The following PPARA variants were observed in gnomAD, a reference collection of about 807,000 sequenced individuals.
PPARA encodes peroxisome proliferator activated receptor alpha.
A neutral mutation model predicts 42.2 loss-of-function variants in PPARA; 22 were observed. The ratio of observed to expected loss-of-function variants is 0.52; its 90% CI spans 0.37 to 0.74. The LOEUF (loss-of-function observed/expected upper bound fraction) is 0.74. Among genes scored for constraint, PPARA ranks in the 30% least tolerant of loss-of-function variants. PPARA has a pLI of 0.00. For missense variants in PPARA, 465 were observed against 608.2 expected, an observed-to-expected ratio of 0.76 and a Z score of 2.48; for synonymous variants, 242 against 239.3, an observed-to-expected ratio of 1.01 and a Z score of -0.10.
intron 2 of PPARA, chr22:46,164,157 G>A (rs1926668417): frequency 6.6e-6 from 1 of 151,820 alleles, no homozygotes; most frequent in Non-Finnish European, 1.5e-5. Flanking sequence ...AGGCTGCAGT[G>A]AGCCGAGATC....
At chr22:46,194,035 C>T (rs1199324228) in intron 3 of PPARA, among the ~76,000 whole-genome samples, 4 of 152,186 alleles carry the variant, frequency 2.6e-5, no homozygotes, top group Admixed American at 6.5e-5. Flanking sequence ...TGATCAGAAG[C>T]GCCAGTGATG....
chr22:46,223,669 C>T (rs376478802), intron 7 of PPARA, among the ~76,000 whole-genome samples: 2 of 126,772 alleles, frequency 1.6e-5, no homozygotes, highest in African/African-American at 3.1e-5. Context: ...GAGGGCCAGG[C>T]GTGGTTGCTC....
In PPARA at chr22:46,192,019, C is replaced by T. The variant is rs913682586; in HGVS notation, c.-42-6323C>T. Among the ~76,000 whole-genome samples the T allele has an allele frequency of 2.0e-5, 3 of 152,176 alleles. No homozygotes were observed. The highest frequency in any genetic ancestry group is 4.4e-5 in the Non-Finnish European group (3 of 68,030). On this transcript the variant is annotated intron_variant, in intron 3 of 8. Coordinates refer to ENST00000407236, the MANE Select transcript of PPARA (RefSeq NM_005036.6). The surrounding 1 kb of genome is among the most constrained non-coding windows in gnomAD (Gnocchi z 4.3). Reference sequence around the variant, plus strand: ...AACGGAAGTTGCGGTGAGCCGAGATCACGCCACTGTACTCCAGCCTGGTGA... The same window carrying T: ...AACGGAAGTTGCGGTGAGCCGAGATTACGCCACTGTACTCCAGCCTGGTGA...
intron 4 of PPARA, among the ~76,000 whole-genome samples, chr22:46,209,300 T>C (rs1456609039): frequency 6.6e-6 from 1 of 152,186 alleles, no homozygotes; most frequent in Non-Finnish European, 1.5e-5. Context: ...CATTTGATGG[T>C]TTCTTCCTTT....
At chr22:46,209,458 C>T (rs1933712754) in intron 4 of PPARA, among the ~76,000 whole-genome samples, 1 of 139,180 alleles carries the variant, frequency 7.2e-6, no homozygotes, top group Non-Finnish European at 1.6e-5. Context: ...ATACATTAGG[C>T]CACTTGAAGT....
In PPARA at chr22:46,156,279, A is replaced by C. The variant is rs1263244853; in HGVS notation, c.-127+4309A>C. On this transcript the variant is annotated intron_variant, in intron 2 of 8. Coordinates refer to ENST00000407236, the MANE Select transcript of PPARA (RefSeq NM_005036.6). This position sits in a 1 kb window ranked among gnomAD's most constrained non-coding sequence, Gnocchi z 5.2. ...CTGGAGACCTTTGTTCTCTTCTTTA[A>C]ACTGCTGCTTTCTCATCAGAAAATG... The C allele has an allele frequency of 2.6e-5, 4 of 152,198 alleles. No individual in the cohort carries two copies. Among genetic ancestry groups the C allele is most frequent in the Non-Finnish European group, 5.9e-5 (4 of 68,046 alleles). 9.4% of individuals were successfully genotyped at this position (152,198 alleles called of 1,614,324 possible). A position where few individuals can be genotyped will look rare whatever the true frequency, so the allele number is the denominator to read the frequency against.
chr22:46,157,690 T>C (rs1925529899), intron 2 of PPARA, among the ~76,000 whole-genome samples: 1 of 152,062 alleles, frequency 6.6e-6, no homozygotes, highest in East Asian at 1.9e-4. Context: ...AGGGAAGGGG[T>C]ATGGTGAAAG....
chr22:46,205,563 T>G (rs1379482195), intron 4 of PPARA, among the ~76,000 whole-genome samples: 4 of 71,476 alleles, frequency 5.6e-5, no homozygotes, highest in African/African-American at 1.5e-4. Flanking sequence ...TATTTTTTTT[T>G]TTTTTTTTTT....
chr22:46,197,402 C>T (rs73460655), intron 3 of PPARA, among the ~76,000 whole-genome samples: 1,757 of 152,254 alleles, frequency 0.012, 34 homozygotes, highest in African/African-American at 0.04. Flanking sequence ...ACATATTGTA[C>T]GGAGCTGCGA....
Position 46,227,548 on chromosome 22 carries a change from G to C in PPARA, c.712-4244G>C, listed in dbSNP as rs985095299. ...ATTGCGGGCATGAGCTACTGCGCCT[G>C]GTCCACATTTAATTTTTTGCAAAAA... On this transcript the variant is annotated intron_variant, in intron 7 of 8. Transcript: ENST00000407236. The surrounding 1 kb of genome is among the most constrained non-coding windows in gnomAD (Gnocchi z 4.3). Among the ~76,000 whole-genome samples the C allele has an allele frequency of 3.3e-5, 5 of 152,118 alleles. No homozygotes were observed. The highest frequency in any genetic ancestry group is 9.7e-5 in the African/African-American group (4 of 41,432).
chr22:46,218,113 G>A, intron 5 of PPARA, 150 bp from the exon 6 acceptor site: 1 of 1,100,728 alleles, frequency 9.1e-7, no homozygotes, highest in Non-Finnish European at 1.3e-6. Flanking sequence ...TTACAGGCAT[G>A]ATCACCATGC....
chr22:46,204,287 A>C lies in PPARA; in HGVS notation c.208+5696A>C, dbSNP rs886421902. Among the ~76,000 whole-genome samples the C allele has an allele frequency of 3.2e-4, 49 of 152,240 alleles. No homozygotes were observed. The highest frequency in any genetic ancestry group is 1.2e-3 in the African/African-American group (49 of 41,466). On this transcript the variant is annotated intron_variant, in intron 4 of 8. Coordinates refer to ENST00000407236, the MANE Select transcript of PPARA (RefSeq NM_005036.6). This position sits in a 1 kb window ranked among gnomAD's most constrained non-coding sequence, Gnocchi z 5.2. ...TTGTTTCTAGCTTATGGCTATTACA[A>C]ATAAAGCTGCTATGAACATTCACGT...
intron 3 of PPARA, among the ~76,000 whole-genome samples, chr22:46,189,582 C>A (rs1208964059): frequency 6.6e-6 from 1 of 152,166 alleles, no homozygotes; most frequent in African/African-American, 2.4e-5. Flanking sequence ...GTCTTTACCA[C>A]CATTATAGTC....
rs1934781715 is a variant in PPARA, at chr22:46,219,137, G to C, written c.509-675G>C. 6.6e-6 allele frequency among the ~76,000 whole-genome samples: 1 copy of C among 152,020 alleles called. No homozygotes were observed. The highest frequency in any genetic ancestry group is 6.6e-5 in the Admixed American group (1 of 15,252). On this transcript the variant is annotated intron_variant, in intron 6 of 8. Transcript: ENST00000407236. This position sits in a 1 kb window ranked among gnomAD's most constrained non-coding sequence, Gnocchi z 4.8. ...AGATCGCACCACTGCACTCCAGCCT[G>C]GGCGACAGAGTGCGACTCCGTCTCA...
chr22:46,175,455 T>C (rs939138311), intron 2 of PPARA, among the ~76,000 whole-genome samples: 5 of 152,160 alleles, frequency 3.3e-5, no homozygotes, highest in African/African-American at 1.2e-4. Context: ...GGCTCACGCC[T>C]GTAATCCCAG....
At chr22:46,220,959 A>C (rs1017149515) in intron 7 of PPARA, among the ~76,000 whole-genome samples, 14 of 151,948 alleles carry the variant, frequency 9.2e-5, no homozygotes, top group African/African-American at 3.4e-4. Context: ...AAAATAGAAT[A>C]ATAAAATAAA....
rs540615884 is a variant in PPARA at position 46,188,673 on chromosome 22, C to G, written c.-42-9669C>G. On this transcript the variant is annotated intron_variant, in intron 3 of 8. Coordinates refer to ENST00000407236, the MANE Select transcript of PPARA (RefSeq NM_005036.6). This position sits in a 1 kb window ranked among gnomAD's most constrained non-coding sequence, Gnocchi z 5.0. ...CAGCTGCCATTGAGGGCCTGGCCCA[C>G]GTGTGATGTTCAATAATATTATTTC... The G allele has an allele frequency of 6.6e-6, 1 of 152,344 alleles. No individual in the cohort carries two copies. Among genetic ancestry groups the G allele is most frequent in the East Asian group, 1.9e-4 (1 of 5,188 alleles). 9.4% of individuals were successfully genotyped at this position (152,344 alleles called of 1,614,324 possible).
At chr22:46,208,456 G>C (rs566472035) in intron 4 of PPARA, among the ~76,000 whole-genome samples, 2 of 151,534 alleles carry the variant, frequency 1.3e-5, no homozygotes, top group African/African-American at 4.8e-5. Flanking sequence ...GCTGAGGCAG[G>C]AGAATCACTT....
rs1040419911 is a variant in PPARA at position 46,180,129 on chromosome 22, A to G, written c.-43+3293A>G. Among the ~76,000 whole-genome samples the G allele has an allele frequency of 2.0e-5, 3 of 151,916 alleles. No homozygotes were observed. Among genetic ancestry groups the G allele is most frequent in the Non-Finnish European group, 4.4e-5 (3 of 67,984 alleles). Reference sequence around the variant, plus strand: ...TTAGCCATGATGTGCAGGAACTAGAACTCTCATCTTTGCTGACAGGAAGGT... The same window carrying G: ...TTAGCCATGATGTGCAGGAACTAGAGCTCTCATCTTTGCTGACAGGAAGGT... On this transcript the variant is annotated intron_variant, in intron 3 of 8. Coordinates refer to ENST00000407236, the MANE Select transcript of PPARA (RefSeq NM_005036.6). The surrounding 1 kb of genome is among the most constrained non-coding windows in gnomAD (Gnocchi z 4.2).
Sources: gnomAD v4.1 joint callset for allele counts (sites outside exome capture counted in the v4.1 genomes callset) on GRCh38, gnomAD v4.1.1 for gene constraint, Gnocchi (gnomAD v3.1) non-coding constraint, MANE v1.5 for transcripts, NCBI Gene and HGNC (gene_info 2026-07-23, HGNC 2026-07-21) for gene names.